The following NEK6 variants were observed in gnomAD, a reference collection of about 807,000 sequenced individuals.
NEK6 encodes NIMA related kinase 6.
In NEK6, 27 loss-of-function variants were observed where a neutral mutation model predicts 43.5. That is an observed-to-expected ratio of 0.62 (90% confidence interval 0.46 to 0.86). The LOEUF (loss-of-function observed/expected upper bound fraction) is 0.86. NEK6 is among the 40% of genes least tolerant of loss of function. NEK6 has a pLI of 0.00. For synonymous variants in NEK6, 167 were observed against 164.1 expected (o/e 1.02, Z -0.14); for missense variants, 318 against 414.4 (o/e 0.77, Z 2.02).
intron 1 of NEK6, among the ~76,000 whole-genome samples, chr9:124,270,964 CCA>C (rs1424001263): frequency 5.9e-5 from 9 of 152,214 alleles, no homozygotes; most frequent in African/African-American, 1.7e-4. Context: ...GCCATAGCAC[CCA>C]CACACACATT....
chr9:124,315,884 C>T (rs111783492), intron 4 of NEK6, among the ~76,000 whole-genome samples: 4 of 152,360 alleles, frequency 2.6e-5, no homozygotes, highest in African/African-American at 9.6e-5. Context: ...CCATGGGCCT[C>T]TCAGGACCTC....
chr9:124,346,422 G>T (rs1588551986), intron 8 of NEK6, among the ~76,000 whole-genome samples: 1 of 152,212 alleles, frequency 6.6e-6, no homozygotes. Flanking sequence ...GGGGCGCGAG[G>T]ACAAGCGACG....
intron 4 of NEK6, among the ~76,000 whole-genome samples, chr9:124,316,162 G>A (rs1024354263): frequency 6.6e-6 from 1 of 152,242 alleles, no homozygotes; most frequent in Non-Finnish European, 1.5e-5. Flanking sequence ...CGTGGTTTTC[G>A]GAGGGGTGAC....
At chr9:124,314,190 C>T (rs920084505) in intron 4 of NEK6, among the ~76,000 whole-genome samples, 3 of 152,164 alleles carry the variant, frequency 2.0e-5, no homozygotes, top group African/African-American at 7.2e-5. Context: ...CTCTGCCCAG[C>T]CCTTGGGGTC....
chr9:124,327,492 G>A (rs751480674), intron 7 of NEK6, 47 bp downstream of exon 7: 1 of 1,465,218 alleles, frequency 6.8e-7, no homozygotes, highest in Non-Finnish European at 9.5e-7. Context: ...CGGTCCTGGT[G>A]ACCATGCAGG....
chr9:124,349,861 G>A (rs113749787), intron 9 of NEK6, among the ~76,000 whole-genome samples: 2 of 152,338 alleles, frequency 1.3e-5, no homozygotes, highest in African/African-American at 2.4e-5. Flanking sequence ...TGGGCTTCTC[G>A]GTTGTAAGGC....
At chr9:124,282,842 C>A (rs1460803166) in intron 1 of NEK6, among the ~76,000 whole-genome samples, 7 of 152,242 alleles carry the variant, frequency 4.6e-5, no homozygotes, top group Non-Finnish European at 2.9e-5. Flanking sequence ...CTGAGAACGT[C>A]TCAGCGCCCA....
chr9:124,288,190 T>G (rs1302579633), intron 1 of NEK6, among the ~76,000 whole-genome samples: 1 of 152,244 alleles, frequency 6.6e-6, no homozygotes, highest in Non-Finnish European at 1.5e-5. Context: ...CTGGAAATAC[T>G]TGTTGCAGGG....
chr9:124,328,842 C>A (rs1000041159), intron 7 of NEK6, among the ~76,000 whole-genome samples: 3 of 152,184 alleles, frequency 2.0e-5, no homozygotes, highest in African/African-American at 7.2e-5. Flanking sequence ...AACTCTTGTC[C>A]CCACCTGGCC....
intron 3 of NEK6, among the ~76,000 whole-genome samples, chr9:124,313,097 G>A (rs1247995421): frequency 6.6e-6 from 1 of 152,194 alleles, no homozygotes; most frequent in African/African-American, 2.4e-5. Flanking sequence ...AGTAGGTCAA[G>A]CGGCAAAGTC....
At chr9:124,339,686 C>T (rs1032970868) in intron 8 of NEK6, 21 bp downstream of exon 8, 3 of 1,577,480 alleles carry the variant, frequency 1.9e-6, no homozygotes, top group East Asian at 2.2e-5. Context: ...GTCCGTGGCT[C>T]AGCAGCATTT....
At chr9:124,276,650 A>C (rs1457647546) in intron 1 of NEK6, among the ~76,000 whole-genome samples, 1 of 152,234 alleles carries the variant, frequency 6.6e-6, no homozygotes, top group East Asian at 1.9e-4. Context: ...CCATACATGC[A>C]AATCCTAACA....
rs1466982597 is a variant in NEK6, at chr9:124,343,361, G to A, written c.717+3696G>A. Among the ~76,000 whole-genome samples, 1 of 152,064 alleles carries A rather than the reference G, an allele frequency of 6.6e-6. No homozygotes were observed. Among genetic ancestry groups the A allele is most frequent in the African/African-American group, 2.4e-5 (1 of 41,402 alleles). On this transcript the variant is annotated intron_variant, in intron 8 of 9. Coordinates refer to ENST00000320246, the MANE Select transcript of NEK6 (RefSeq NM_014397.6). The surrounding 1 kb of genome is among the most constrained non-coding windows in gnomAD (Gnocchi z 5.1). Reference sequence around the variant, plus strand: ...CAGGGGTGGATACCAGTCAGCAGTAGGAAGTGAATGAAACACAGCAGTCAA... The same window carrying A: ...CAGGGGTGGATACCAGTCAGCAGTAAGAAGTGAATGAAACACAGCAGTCAA...
At chr9:124,295,784 C>T (rs1488208026) in intron 1 of NEK6, among the ~76,000 whole-genome samples, 1 of 152,210 alleles carries the variant, frequency 6.6e-6, no homozygotes, top group African/African-American at 2.4e-5. Context: ...GCGTGGCATT[C>T]CTTACAGCCC....
intron 8 of NEK6, among the ~76,000 whole-genome samples, chr9:124,345,194 C>G (rs73666867): frequency 1.3e-5 from 2 of 152,194 alleles, no homozygotes; most frequent in African/African-American, 4.8e-5. Context: ...GCAGTTCTAA[C>G]GAGGCCCCAG....
rs572981176 is a variant in NEK6, at chr9:124,322,087, C to T, written c.405+518C>T. 3.3e-5 allele frequency among the ~76,000 whole-genome samples: 5 copies of T among 152,184 alleles called. No homozygotes were observed. In the South Asian group the frequency reaches 1.0e-3, roughly 32 times the overall value. On this transcript the variant is annotated intron_variant, in intron 5 of 9. Coordinates refer to ENST00000320246, the MANE Select transcript of NEK6 (RefSeq NM_014397.6). Reference sequence around the variant, plus strand: ...GAGCCCAGAGAGGTTAAGAGACTTGCCTGAGGATACCCAGCATTGTGGGTA... The same window carrying T: ...GAGCCCAGAGAGGTTAAGAGACTTGTCTGAGGATACCCAGCATTGTGGGTA...
At chr9:124,264,924 A>AG (rs1831172245) in intron 1 of NEK6, among the ~76,000 whole-genome samples, 1 of 151,990 alleles carries the variant, frequency 6.6e-6, no homozygotes, top group Non-Finnish European at 1.5e-5. Flanking sequence ...GGGGAGGCGA[A>AG]GGGGGCAAAG....
In NEK6 at chr9:124,275,439, G is replaced by T. The variant is rs1453557332; in HGVS notation, c.-30+17354G>T. On this transcript the variant is annotated intron_variant, in intron 1 of 9. Transcript: ENST00000320246. The surrounding 1 kb of genome is among the most constrained non-coding windows in gnomAD (Gnocchi z 4.4). Reference sequence around the variant, plus strand: ...TGGGTAACGGGGTCAGCATTCAGAAGTGTCAGCTCCAGCTGCCTGCCCCCG... The same window carrying T: ...TGGGTAACGGGGTCAGCATTCAGAATTGTCAGCTCCAGCTGCCTGCCCCCG... Among the ~76,000 whole-genome samples, 1 of 152,214 alleles carries T rather than the reference G, an allele frequency of 6.6e-6. No homozygotes were observed. Among genetic ancestry groups the T allele is most frequent in the African/African-American group, 2.4e-5 (1 of 41,470 alleles).
At chr9:124,337,378 T>A (rs530675287) in intron 7 of NEK6, among the ~76,000 whole-genome samples, 8 of 152,354 alleles carry the variant, frequency 5.3e-5, no homozygotes, top group Middle Eastern at 3.4e-3. Flanking sequence ...ATCTTCACCA[T>A]TAACACCTTT....
Sources: allele counts gnomAD v4.1 joint callset (sites outside exome capture counted in the v4.1 genomes callset), GRCh38; gene constraint gnomAD v4.1.1; non-coding constraint Gnocchi (gnomAD v3.1); transcripts MANE v1.5; gene names NCBI Gene and HGNC (gene_info 2026-07-23, HGNC 2026-07-21).